Variants in OLFM3 observed in about 807,000 individuals in gnomAD.
OLFM3 encodes the protein olfactomedin 3, also known as noelin-3.
Under a neutral mutation model 48.6 loss-of-function variants are expected in OLFM3, and 20 were observed. The ratio of observed to expected loss-of-function variants is 0.41; its 90% confidence interval spans 0.29 to 0.60. The LOEUF is 0.60. Ranked by LOEUF, OLFM3 falls within the 20% of genes least tolerant of loss-of-function variation. The probability of loss-of-function intolerance (pLI) is 0.28; values close to 1 mark genes in which losing one functional copy is unlikely to be tolerated. For missense variants in OLFM3, 437 were observed against 544.3 expected (o/e 0.80, Z 1.96); for synonymous variants, 222 against 198.1 (o/e 1.12, Z -1.01).
chr1:101,881,837 T>C (rs1657538835), intron 1 of OLFM3, among the ~76,000 whole-genome samples: 1 of 151,636 alleles, frequency 6.6e-6, no homozygotes, highest in Non-Finnish European at 1.5e-5. Context: ...TACTATAATA[T>C]GGATCATCTC....
intron 1 of OLFM3, among the ~76,000 whole-genome samples, chr1:101,868,624 C>A (rs1387096716): frequency 6.6e-6 from 1 of 152,180 alleles, no homozygotes; most frequent in Non-Finnish European, 1.5e-5. Context: ...TTCAAGCCAG[C>A]TGCAGAAATT....
intron 1 of OLFM3, among the ~76,000 whole-genome samples, chr1:101,857,974 C>G (rs539658162): frequency 8.1e-4 from 123 of 152,138 alleles, no homozygotes; most frequent in Admixed American, 1.6e-3. Flanking sequence ...CTTATCTGAA[C>G]ATTGAAAATG....
At chr1:101,901,678 C>G (rs1658391531) in intron 1 of OLFM3, among the ~76,000 whole-genome samples, 1 of 151,942 alleles carries the variant, frequency 6.6e-6, no homozygotes, top group Non-Finnish European at 1.5e-5. Context: ...AGAATGTGGA[C>G]ATGAGAAATA....
At chr1:101,879,958 G>C (rs577370097) in intron 1 of OLFM3, among the ~76,000 whole-genome samples, 11 of 151,688 alleles carry the variant, frequency 7.3e-5, no homozygotes, top group Non-Finnish European at 1.6e-4. Context: ...TAAAATCTGG[G>C]ATTATAAAAA....
At chr1:101,813,335 T>C (rs567638066) in intron 4 of OLFM3, among the ~76,000 whole-genome samples, 1 of 152,328 alleles carries the variant, frequency 6.6e-6, no homozygotes, top group Admixed American at 6.5e-5. Context: ...ATATATCTTA[T>C]GTTTAGCCAT....
intron 1 of OLFM3, among the ~76,000 whole-genome samples, chr1:101,948,667 A>G (rs1660030907): frequency 1.3e-5 from 2 of 152,050 alleles, no homozygotes; most frequent in Admixed American, 1.3e-4. Flanking sequence ...TTGTGAAAAC[A>G]TACCTCCATT....
intron 1 of OLFM3, among the ~76,000 whole-genome samples, chr1:101,950,308 A>G (rs959508844): frequency 6.6e-6 from 1 of 152,194 alleles, no homozygotes; most frequent in Non-Finnish European, 1.5e-5. Context: ...ATGTCATTTT[A>G]ACAGAGGCCA....
intron 1 of OLFM3, among the ~76,000 whole-genome samples, chr1:101,960,913 A>C (rs1049418536): frequency 1.3e-5 from 2 of 152,178 alleles, no homozygotes; most frequent in African/African-American, 4.8e-5. Context: ...ATCTACTTAT[A>C]AAAAACACAT....
chr1:101,861,243 G>A (rs1656643258), intron 1 of OLFM3, among the ~76,000 whole-genome samples: 1 of 151,944 alleles, frequency 6.6e-6, no homozygotes, highest in East Asian at 1.9e-4. Context: ...TGTATTTTTA[G>A]TAGAGACAGG....
At chr1:101,839,535 C>T (rs889765775) in intron 1 of OLFM3, among the ~76,000 whole-genome samples, 2 of 152,144 alleles carry the variant, frequency 1.3e-5, no homozygotes, top group African/African-American at 4.8e-5. Context: ...AAAATTGAGG[C>T]TTGTCACTAG....
intron 1 of OLFM3, among the ~76,000 whole-genome samples, chr1:101,908,279 C>T (rs938944866): frequency 2.6e-5 from 4 of 152,148 alleles, no homozygotes; most frequent in Non-Finnish European, 4.4e-5. Flanking sequence ...CCATATTGTT[C>T]TTGATTATGC....
intron 1 of OLFM3, among the ~76,000 whole-genome samples, chr1:101,944,955 T>G (rs1336590689): frequency 6.6e-6 from 1 of 151,952 alleles, no homozygotes; most frequent in African/African-American, 2.4e-5. Context: ...CTCAGTATTA[T>G]TTGTCATTGG....
At chr1:101,945,232 T>C (rs902160148) in intron 1 of OLFM3, among the ~76,000 whole-genome samples, 2 of 152,198 alleles carry the variant, frequency 1.3e-5, no homozygotes, top group African/African-American at 4.8e-5. Flanking sequence ...GCTTTATTTG[T>C]AATGACCAAT....
intron 2 of OLFM3, among the ~76,000 whole-genome samples, chr1:101,835,713 C>T (rs766885094): frequency 1.3e-4 from 20 of 151,966 alleles, no homozygotes; most frequent in East Asian, 1.9e-4. Context: ...TTGAGGGATC[C>T]GAAAGGATGG....
At position 101,921,515 on chromosome 1, in the gene OLFM3, T is replaced by TG. The variant is rs570075635; in HGVS notation, c.69+75232dup. 1.3e-3 allele frequency among the ~76,000 whole-genome samples: 196 copies of TG among 152,284 alleles called. 1 individual carries two copies. Among genetic ancestry groups the TG allele is most frequent in the African/African-American group, 4.6e-3 (192 of 41,548 alleles). On this transcript the variant is annotated intron_variant, in intron 1 of 5. Transcript: ENST00000370103. Reference sequence around the variant, plus strand: ...GTAGGCTCCTTGAGAGGAGGAGTGGTGCTAGAATCCTTGGAGAAGCTTGGC... The same window carrying TG: ...GTAGGCTCCTTGAGAGGAGGAGTGGTGGCTAGAATCCTTGGAGAAGCTTGGC...
chr1:101,882,125 G>A (rs1010498694), intron 1 of OLFM3, among the ~76,000 whole-genome samples: 3 of 150,022 alleles, frequency 2.0e-5, no homozygotes, highest in Non-Finnish European at 3.0e-5. Context: ...ACACACACAC[G>A]ACATTCATTT....
chr1:101,943,949 A>G (rs2101062549), intron 1 of OLFM3, among the ~76,000 whole-genome samples: 1 of 151,852 alleles, frequency 6.6e-6, no homozygotes, highest in Non-Finnish European at 1.5e-5. Context: ...TTCTTGCAAC[A>G]TTGCCTAATA....
chr1:101,903,319 TAGAG>T (rs1397402274), intron 1 of OLFM3, among the ~76,000 whole-genome samples: 4 of 151,986 alleles, frequency 2.6e-5, no homozygotes, highest in African/African-American at 9.7e-5. Flanking sequence ...AGAACTGTAT[TAGAG>T]AGGAGTTTAA....
rs1209066686 is a variant in OLFM3, at chr1:101,888,904, C to T, written c.70-51879G>A. On this transcript the variant is annotated intron_variant, in intron 1 of 5. Transcript: ENST00000370103. ...CAGCCAACAGACACATGAAAAAATGCTCATCATCACTGGCCATCAAAGAAA... is the reference window on the plus strand; with the variant it reads ...CAGCCAACAGACACATGAAAAAATGTTCATCATCACTGGCCATCAAAGAAA... Among the ~76,000 whole-genome samples the T allele has an allele frequency of 2.6e-5, 4 of 152,156 alleles. No homozygotes were observed. In the East Asian group the frequency reaches 5.8e-4, roughly 22 times the overall value.
Sources: gnomAD v4.1 joint callset for allele counts (sites outside exome capture counted in the v4.1 genomes callset) on GRCh38, gnomAD v4.1.1 for gene constraint, MANE v1.5 for transcripts, NCBI Gene and HGNC (gene_info 2026-07-23, HGNC 2026-07-21) for gene names.